The following PTPRN2 variants were observed in gnomAD, a reference collection of about 807,000 sequenced individuals.
The protein encoded by PTPRN2 is receptor-type tyrosine-protein phosphatase N2.
A neutral mutation model predicts 118.8 loss-of-function variants in PTPRN2; 74 were observed. The observed-to-expected ratio is 0.62, with a 90% CI of 0.52 to 0.76. PTPRN2 has a LOEUF of 0.76. Ranked by LOEUF, PTPRN2 falls within the 30% of genes least tolerant of loss-of-function variation. PTPRN2 has a pLI of 0.00. For synonymous variants in PTPRN2, 641 were observed against 608.0 expected, an observed-to-expected ratio of 1.05 and a Z score of -0.80; for missense variants, 1,481 against 1,394.4, an observed-to-expected ratio of 1.06 and a Z score of -0.99.
At chr7:158,371,690 T>G (rs1281065814) in intron 2 of PTPRN2, among the ~76,000 whole-genome samples, 1 of 152,192 alleles carries the variant, frequency 6.6e-6, no homozygotes, top group African/African-American at 2.4e-5. Flanking sequence ...TCTAGGGGAA[T>G]GTTCTAAGGA....
In PTPRN2 at chr7:157,603,568, G is replaced by A. The variant is rs139877472; in HGVS notation, c.2418+434C>T. Reference sequence around the variant, plus strand: ...TTCACTGGAAATACTTCAGGAAAACGAACCTGAAATTCTGGACCTGCCTCC... The same window carrying A: ...TTCACTGGAAATACTTCAGGAAAACAAACCTGAAATTCTGGACCTGCCTCC... On this transcript the variant is annotated intron_variant, in intron 16 of 22. Coordinates refer to ENST00000389418, the MANE Select transcript of PTPRN2 (RefSeq NM_002847.5). This position sits in a 1 kb window ranked among gnomAD's most constrained non-coding sequence, Gnocchi z 5.4. Among the ~76,000 whole-genome samples, 1,173 of 152,290 alleles carry A rather than the reference G, an allele frequency of 7.7e-3. 9 individuals carry two copies. The highest frequency in any genetic ancestry group is 0.014 in the Non-Finnish European group (959 of 68,014).
At chr7:158,308,689 AATTAAATT>A (rs1252743960) in intron 3 of PTPRN2, among the ~76,000 whole-genome samples, 2 of 1,910 alleles carry the variant, frequency 1.0e-3, no homozygotes, top group Non-Finnish European at 0.013. Context: ...TTGAATTAAT[AATTAAATT>A]AATATTAACT....
intron 2 of PTPRN2, among the ~76,000 whole-genome samples, chr7:158,318,873 C>T (rs1252224658): frequency 6.6e-6 from 1 of 152,218 alleles, no homozygotes; most frequent in African/African-American, 2.4e-5. Context: ...ATAAGAGAAG[C>T]ACATCTGTGA....
chr7:158,558,504 C>T (rs1827189594), intron 1 of PTPRN2, among the ~76,000 whole-genome samples: 1 of 152,070 alleles, frequency 6.6e-6, no homozygotes, highest in Non-Finnish European at 1.5e-5. Flanking sequence ...CCAGTTGGTC[C>T]CAGGGACATG....
intron 10 of PTPRN2, among the ~76,000 whole-genome samples, chr7:158,109,514 G>A (rs574932076): frequency 1.0e-3 from 148 of 144,798 alleles, no homozygotes; most frequent in African/African-American, 3.5e-3. Flanking sequence ...AGTGAATGAC[G>A]TCAACCCTGT....
chr7:158,248,983 C>T (rs959167270), intron 3 of PTPRN2, among the ~76,000 whole-genome samples: 1 of 152,018 alleles, frequency 6.6e-6, no homozygotes, highest in Non-Finnish European at 1.5e-5. Context: ...GCACACCACA[C>T]ATATGCACAC....
intron 1 of PTPRN2, 89 bp downstream of exon 1, chr7:158,587,469 C>A (rs1391061459): frequency 3.6e-5 from 33 of 918,950 alleles, no homozygotes; most frequent in Non-Finnish European, 4.0e-5. Flanking sequence ...GGCGCCTCTC[C>A]CCACCCAGAC....
intron 2 of PTPRN2, among the ~76,000 whole-genome samples, chr7:158,337,087 T>A (rs1444643810): frequency 2.6e-5 from 4 of 150,984 alleles, no homozygotes; most frequent in African/African-American, 7.3e-5. Context: ...CAGACGTCAC[T>A]CACACCCACA....
At chr7:157,664,002 C>T (rs534065437) in intron 13 of PTPRN2, among the ~76,000 whole-genome samples, 4 of 152,284 alleles carry the variant, frequency 2.6e-5, no homozygotes, top group South Asian at 4.2e-4. Context: ...TGGGACATTT[C>T]CACCCTGCAT....
intron 6 of PTPRN2, among the ~76,000 whole-genome samples, chr7:158,145,793 C>A (rs749920578): frequency 2.4e-4 from 37 of 152,164 alleles, no homozygotes; most frequent in Non-Finnish European, 4.4e-4. Flanking sequence ...CCCATCAATC[C>A]GATCATCCAT....
At position 157,780,341 on chromosome 7, in the gene PTPRN2, T is replaced by G. The variant is rs1388844665; in HGVS notation, c.1789-97404A>C. ...CACACTCTGAAGGTGAAGCTTTAGG[T>G]GACGTCGAAGCATCCAGCCATATCT... On this transcript the variant is annotated intron_variant, in intron 12 of 22. Coordinates refer to ENST00000389418, the MANE Select transcript of PTPRN2 (RefSeq NM_002847.5). This position sits in a 1 kb window ranked among gnomAD's most constrained non-coding sequence, Gnocchi z 4.5. 1.3e-5 allele frequency among the ~76,000 whole-genome samples: 2 copies of G among 152,114 alleles called. No homozygotes were observed. The highest frequency in any genetic ancestry group is 4.8e-5 in the African/African-American group (2 of 41,410).
At chr7:158,212,593 C>A (rs181198563) in intron 3 of PTPRN2, among the ~76,000 whole-genome samples, 1 of 152,146 alleles carries the variant, frequency 6.6e-6, no homozygotes, top group Non-Finnish European at 1.5e-5. Flanking sequence ...AGCCTTACAC[C>A]AAATACAAGT....
At chr7:158,146,682 C>A (rs1183117670) in intron 6 of PTPRN2, among the ~76,000 whole-genome samples, 1 of 146,388 alleles carries the variant, frequency 6.8e-6, no homozygotes, top group Non-Finnish European at 1.5e-5. Context: ...GATCGCGCCA[C>A]TGCACTCCAG....
intron 6 of PTPRN2, among the ~76,000 whole-genome samples, chr7:158,149,412 T>A (rs959158657): frequency 8.0e-5 from 12 of 150,742 alleles, no homozygotes; most frequent in African/African-American, 2.7e-4. Context: ...AAACATAAAA[T>A]GTATAAGATG....
intron 1 of PTPRN2, among the ~76,000 whole-genome samples, chr7:158,584,897 T>A (rs1828830878): frequency 6.6e-6 from 1 of 152,240 alleles, no homozygotes; most frequent in South Asian, 2.1e-4. Flanking sequence ...CTTGTTAACA[T>A]CAACCTCTAG....
chr7:158,474,978 G>A (rs770117726), intron 2 of PTPRN2, among the ~76,000 whole-genome samples: 3 of 152,176 alleles, frequency 2.0e-5, no homozygotes, highest in Admixed American at 1.3e-4. Flanking sequence ...GGTGCCCCAC[G>A]GAGACAGGCC....
intron 2 of PTPRN2, among the ~76,000 whole-genome samples, chr7:158,324,107 ACACAAGCGCACATGCACAAACT>A (rs1803276102): frequency 1.3e-5 from 2 of 152,184 alleles, no homozygotes; most frequent in African/African-American, 4.8e-5. Context: ...ATACAGGTGC[ACACAAGCGCACATGCACAAACT>A]CACACGCCCA....
intron 3 of PTPRN2, among the ~76,000 whole-genome samples, chr7:158,266,526 G>A (rs1276497378): frequency 6.6e-6 from 1 of 152,096 alleles, no homozygotes; most frequent in Non-Finnish European, 1.5e-5. Context: ...TGGGGACGGT[G>A]TCTGCTGCGG....
intron 2 of PTPRN2, among the ~76,000 whole-genome samples, chr7:158,423,384 C>T (rs926321167): frequency 1.3e-5 from 2 of 152,208 alleles, no homozygotes; most frequent in Non-Finnish European, 2.9e-5. Context: ...CCCATGACCT[C>T]GTGGGGACAC....
Sources: gnomAD v4.1 joint callset for allele counts (sites outside exome capture counted in the v4.1 genomes callset) on GRCh38, gnomAD v4.1.1 for gene constraint, Gnocchi (gnomAD v3.1) non-coding constraint, MANE v1.5 for transcripts, NCBI Gene and HGNC (gene_info 2026-07-23, HGNC 2026-07-21) for gene names.